The following MTCL2 variants were observed in gnomAD, a reference collection of about 807,000 sequenced individuals.
MTCL2 encodes the protein microtubule crosslinking factor 2.
chr20:36,794,385 GGTCCTGGCAGGC>G, the MTCL2 span: 1 of 1,613,154 alleles, frequency 6.2e-7, no homozygotes, highest in South Asian at 1.1e-5. This position sits in a 1 kb window ranked among gnomAD's most constrained non-coding sequence, Gnocchi z 5.4. Context: ...CTCCCTGGGG[GGTCCTGGCAGGC>G]CAGGGCACCC....
chr20:36,788,963 C>T, the MTCL2 span, among the ~76,000 whole-genome samples: 902 of 152,140 alleles, frequency 5.9e-3, 14 homozygotes, highest in African/African-American at 0.021. Flanking sequence ...TGTGCCACCA[C>T]GCCCGGCTAA....
At chr20:36,853,057 C>T in the MTCL2 span, among the ~76,000 whole-genome samples, 1 of 71,394 alleles carries the variant, frequency 1.4e-5, no homozygotes, top group African/African-American at 5.3e-5. Context: ...ACTTCGTCTC[C>T]AAAAAAAAAA....
At chr20:36,834,739 C>T in the MTCL2 span, among the ~76,000 whole-genome samples, 3 of 152,154 alleles carry the variant, frequency 2.0e-5, no homozygotes, top group Non-Finnish European at 4.4e-5. Flanking sequence ...TGGTGGCTCA[C>T]ACCTGTAATC....
At chr20:36,840,370 G>C in the MTCL2 span, among the ~76,000 whole-genome samples, 1 of 150,694 alleles carries the variant, frequency 6.6e-6, no homozygotes, top group Non-Finnish European at 1.5e-5. Flanking sequence ...GGGTTTCACC[G>C]TGTTAGCCAG....
the MTCL2 span, among the ~76,000 whole-genome samples, chr20:36,839,898 G>T: frequency 6.6e-6 from 1 of 152,186 alleles, no homozygotes; most frequent in African/African-American, 2.4e-5. This position sits in a 1 kb window ranked among gnomAD's most constrained non-coding sequence, Gnocchi z 5.1. Flanking sequence ...GTCTCACTCT[G>T]TTGCCCAGGC....
chr20:36,834,078 G>A, the MTCL2 span, among the ~76,000 whole-genome samples: 1 of 151,228 alleles, frequency 6.6e-6, no homozygotes, highest in Admixed American at 6.6e-5. Flanking sequence ...CAGGAGAATT[G>A]CTTGAACCCG....
chr20:36,822,623 G>A, the MTCL2 span, among the ~76,000 whole-genome samples: 9 of 152,196 alleles, frequency 5.9e-5, no homozygotes, highest in Non-Finnish European at 1.2e-4. Flanking sequence ...AAGAAACAAA[G>A]GCCAACCTTC....
chr20:36,815,986 C>T, the MTCL2 span: 1 of 1,613,720 alleles, frequency 6.2e-7, no homozygotes, highest in Non-Finnish European at 8.5e-7. The surrounding 1 kb of genome is among the most constrained non-coding windows in gnomAD (Gnocchi z 5.3). Context: ...CCACAGCCAC[C>T]TCCATGATCC....
chr20:36,825,004 A>G, the MTCL2 span, among the ~76,000 whole-genome samples: 1 of 148,574 alleles, frequency 6.7e-6, no homozygotes, highest in Non-Finnish European at 1.5e-5. Flanking sequence ...CAATGATGGG[A>G]TGTCGGCTCA....
chr20:36,814,478 G>A, the MTCL2 span, among the ~76,000 whole-genome samples: 1 of 152,200 alleles, frequency 6.6e-6, no homozygotes, highest in Non-Finnish European at 1.5e-5. Flanking sequence ...GCCACACACA[G>A]TGGCTCACAC....
the MTCL2 span, among the ~76,000 whole-genome samples, chr20:36,831,585 G>A: frequency 6.6e-6 from 1 of 152,154 alleles, no homozygotes; most frequent in Non-Finnish European, 1.5e-5. Context: ...GGCAGGCCAG[G>A]AAAAACAACG....
the MTCL2 span, among the ~76,000 whole-genome samples, chr20:36,797,727 C>T: frequency 3.9e-5 from 6 of 152,222 alleles, no homozygotes; most frequent in Admixed American, 6.5e-5. Flanking sequence ...CAGCTCAGAG[C>T]GCCCCACTCT....
chr20:36,847,021 C>T, the MTCL2 span, among the ~76,000 whole-genome samples: 9 of 152,150 alleles, frequency 5.9e-5, no homozygotes, highest in South Asian at 2.1e-4. Context: ...AAACAAAACA[C>T]GGCTACCACC....
chr20:36,863,439 TG>T, the MTCL2 span: 1 of 959,144 alleles, frequency 1.0e-6, no homozygotes. The surrounding 1 kb of genome is among the most constrained non-coding windows in gnomAD (Gnocchi z 6.2). Context: ...CTCCGGCCGC[TG>T]GGGCTGCGGC....
the MTCL2 span, among the ~76,000 whole-genome samples, chr20:36,813,161 C>A: frequency 1.3e-5 from 2 of 151,958 alleles, no homozygotes; most frequent in Non-Finnish European, 2.9e-5. Context: ...TCTGTTCATC[C>A]CTCTTTCAAG....
chr20:36,837,800 C>T, the MTCL2 span, among the ~76,000 whole-genome samples: 1 of 152,002 alleles, frequency 6.6e-6, no homozygotes, highest in Non-Finnish European at 1.5e-5. Context: ...TGGTCTCGAA[C>T]TCCTGACCTC....
At chr20:36,820,781 G>A in the MTCL2 span, among the ~76,000 whole-genome samples, 7 of 152,118 alleles carry the variant, frequency 4.6e-5, no homozygotes, top group African/African-American at 1.2e-4. Context: ...GGCAGTGGTT[G>A]CAGTGAGCCG....
the MTCL2 span, among the ~76,000 whole-genome samples, chr20:36,854,054 G>A: frequency 1.3e-5 from 2 of 152,142 alleles, no homozygotes. Context: ...AAGCTCCAAA[G>A]AGAGTGGCCC....
chr20:36,827,958 C>G, the MTCL2 span, among the ~76,000 whole-genome samples: 1 of 152,228 alleles, frequency 6.6e-6, no homozygotes, highest in South Asian at 2.1e-4. Context: ...CCTCCTCTCC[C>G]TGCACACTGA....
Sources: allele counts gnomAD v4.1 joint callset (sites outside exome capture counted in the v4.1 genomes callset), GRCh38; gene constraint gnomAD v4.1.1; non-coding constraint Gnocchi (gnomAD v3.1); transcripts MANE v1.5; gene names NCBI Gene and HGNC (gene_info 2026-07-23, HGNC 2026-07-21).